Variants in SHF observed in about 807,000 individuals in gnomAD.
The protein encoded by SHF is Src homology 2 domain containing F.
In SHF, 30 loss-of-function variants were observed where a neutral mutation model predicts 42.4. The observed-to-expected ratio is 0.71, with a 90% CI of 0.53 to 0.96. The LOEUF (loss-of-function observed/expected upper bound fraction) is 0.96. Among genes scored for constraint, SHF ranks in the 40% least tolerant of loss-of-function variants. SHF has a pLI of 0.00. For missense variants in SHF, 598 were observed against 634.0 expected (o/e 0.94, Z 0.61); for synonymous variants, 264 against 269.9 (o/e 0.98, Z 0.21).
rs769765101 is a variant in SHF, at chr15:45,175,202, T to G, written c.847+17A>C. Reference sequence around the variant, plus strand: ...CTCAGAGGCCCCAGCTGACCTGCCCTCTCCACCAGGACTCACCTGCAAAGG... The same window carrying G: ...CTCAGAGGCCCCAGCTGACCTGCCCGCTCCACCAGGACTCACCTGCAAAGG... On this transcript the variant is annotated intron_variant, in intron 3 of 6. Coordinates refer to ENST00000690270, the MANE Select transcript of SHF (RefSeq NM_001394037.1). 6.2e-7 allele frequency: 1 copy of G among 1,600,434 alleles called. No individual in the cohort carries two copies. The highest frequency in any genetic ancestry group is 8.5e-7 in the Non-Finnish European group (1 of 1,175,146).
At chr15:45,183,333 ATG>A (rs1489818594) in intron 1 of SHF, among the ~76,000 whole-genome samples, 1 of 35,592 alleles carries the variant, frequency 2.8e-5, no homozygotes, top group Non-Finnish European at 4.8e-5. Context: ...GGTCTAACAC[ATG>A]TCAGCTGCTT....
upstream of SHF, chr15:45,188,092 A>G (rs1044660677): frequency 6.1e-6 from 2 of 326,602 alleles, no homozygotes; most frequent in Non-Finnish European, 1.0e-5. Flanking sequence ...CCGCTCCCTA[A>G]CAGGGTCTTC....
intron 2 of SHF, among the ~76,000 whole-genome samples, chr15:45,194,433 C>A (rs1159287565): frequency 6.6e-6 from 1 of 151,946 alleles, no homozygotes; most frequent in Admixed American, 6.6e-5. Context: ...CTCACTGCAA[C>A]CTACACCTCC....
chr15:45,174,322 T>A (rs1897682797), intron 3 of SHF: 1 of 161,192 alleles, frequency 6.2e-6, no homozygotes, highest in African/African-American at 2.4e-5. Context: ...GAGCATAGAT[T>A]TTCCCATTAA....
Position 45,187,735 on chromosome 15 carries a change from C to T in SHF, c.217G>A (p.Glu73Lys). The T allele has an allele frequency of 4.1e-6, 4 of 970,452 alleles. No individual in the cohort carries two copies. The highest frequency in any genetic ancestry group is 5.3e-6 in the Non-Finnish European group (4 of 755,796). 60.1% of individuals were successfully genotyped at this position (970,452 alleles called of 1,614,324 possible). A position where few individuals can be genotyped will look rare whatever the true frequency, so the allele number is the denominator to read the frequency against. The part of the protein sequence containing the change: ...GGGGSKPAPP[E>K]PDYRPPAPSP... ...GGCGCAGGGGGGCGGTAGTCGGGCT[C>T]GGGGGGCGCCGGCTTGCTGCCCCCT... The change falls in exon 1 of 7, where the codon GAG (glutamate) becomes AAG (lysine). Residue 73 changes from glutamate to lysine, a missense_variant. Coordinates refer to ENST00000690270, the MANE Select transcript of SHF (RefSeq NM_001394037.1).
rs943108477 is a variant in SHF, at chr15:45,187,752, C to T, written c.200G>A (p.Ser67Asn). The T allele has an allele frequency of 1.5e-5, 14 of 961,718 alleles. 1 individual carries two copies. The highest frequency in any genetic ancestry group is 1.9e-5 in the Non-Finnish European group (14 of 748,490). The allele number at this position is 961,718 out of a possible 1,614,324, so 59.6% of individuals were successfully genotyped here. ...FRGGGGGGGG[S>N]KPAPPEPDYR... ...GTCGGGCTCGGGGGGCGCCGGCTTG[C>T]TGCCCCCTCCGCCGCCGCCCCCCCC... Residue 67 changes from serine to asparagine, a missense_variant, in exon 1 of 7, where the codon AGC (serine) becomes AAC (asparagine). Physicochemically the swap from Ser to Asn is conservative, Grantham distance 46 (BLOSUM62 1). This residue lies in a region of SHF where 159 missense variants were observed against 109.3 expected (regional missense o/e 1.45). Coordinates refer to ENST00000690270, the MANE Select transcript of SHF (RefSeq NM_001394037.1).
At chr15:45,200,983 G>A (rs1421196828) in exon 1 of SHF, 2 of 397,354 alleles carry the variant, frequency 5.0e-6, no homozygotes, top group South Asian at 3.6e-5. Flanking sequence ...CAGCCAAGAG[G>A]AGACTTCGGG....
chr15:45,193,392 T>C (rs536478668), intron 2 of SHF, among the ~76,000 whole-genome samples: 1 of 152,266 alleles, frequency 6.6e-6, no homozygotes, highest in Admixed American at 6.5e-5. Flanking sequence ...TTCCAGTTCA[T>C]AGGTAGATGA....
At chr15:45,196,756 G>A (rs1029029448) in intron 2 of SHF, among the ~76,000 whole-genome samples, 2 of 151,964 alleles carry the variant, frequency 1.3e-5, no homozygotes, top group African/African-American at 4.8e-5. Flanking sequence ...AAAATTAGCC[G>A]GGCTTGGTGG....
At chr15:45,176,287 G>T (rs1322903203) in intron 2 of SHF, among the ~76,000 whole-genome samples, 1 of 150,940 alleles carries the variant, frequency 6.6e-6, no homozygotes, top group East Asian at 1.9e-4. Flanking sequence ...AAAGCTAATT[G>T]GTTCTCTTTT....
exon 2 of SHF, chr15:45,198,869 G>A: frequency 6.2e-7 from 1 of 1,614,036 alleles, no homozygotes; most frequent in Non-Finnish European, 8.5e-7. Flanking sequence ...ATTAGCCACG[G>A]GCTGTGGTGA....
At chr15:45,200,507 T>G (rs538967277) in intron 1 of SHF, 3 of 354,766 alleles carry the variant, frequency 8.5e-6, no homozygotes, top group African/African-American at 6.4e-5. Flanking sequence ...ACACAGGACC[T>G]CGGCTTGTCG....
intron 1 of SHF, among the ~76,000 whole-genome samples, chr15:45,184,869 G>C (rs2042093183): frequency 1.3e-5 from 2 of 152,346 alleles, no homozygotes; most frequent in African/African-American, 4.8e-5. Flanking sequence ...TCCCACACCT[G>C]CCCTGCCAGG....
chr15:45,170,313 G>A (rs1423005454), intron 6 of SHF: 1 of 1,206,464 alleles, frequency 8.3e-7, no homozygotes, highest in South Asian at 1.4e-5. Flanking sequence ...CTATCTTGCA[G>A]GGGAGTAGTT....
At chr15:45,177,765 G>T (rs1304482589) in intron 2 of SHF, among the ~76,000 whole-genome samples, 1 of 152,054 alleles carries the variant, frequency 6.6e-6, no homozygotes, top group Non-Finnish European at 1.5e-5. Context: ...TGGACTACTT[G>T]CCCAGGCTCA....
intron 2 of SHF, among the ~76,000 whole-genome samples, chr15:45,175,932 C>T (rs1328529057): frequency 6.6e-6 from 1 of 151,766 alleles, no homozygotes; most frequent in Non-Finnish European, 1.5e-5. Context: ...GATTCTCCCA[C>T]CTCAGCCTCC....
At position 45,167,237 on chromosome 15, in the gene SHF, C is replaced by G. The variant is rs1897275249; in HGVS notation, c.*710G>C. 1 of 152,188 alleles carries G rather than the reference C, an allele frequency of 6.6e-6. No individual in the cohort carries two copies. Among genetic ancestry groups the G allele is most frequent in the South Asian group, 2.1e-4 (1 of 4,828 alleles). 9.4% of individuals were successfully genotyped at this position (152,188 alleles called of 1,614,324 possible). On this transcript the variant is annotated 3_prime_UTR_variant, in exon 7 of 7. Transcript: ENST00000690270. Reference sequence around the variant, plus strand: ...AGTGCTTTTCACAGCCGGGCTGTGTCTGCTCCAGAGCTGATTTATACGCAG... The same window carrying G: ...AGTGCTTTTCACAGCCGGGCTGTGTGTGCTCCAGAGCTGATTTATACGCAG...
intron 2 of SHF, chr15:45,198,704 G>A (rs910300648): frequency 7.2e-6 from 11 of 1,534,846 alleles, no homozygotes; most frequent in Admixed American, 1.9e-5. Context: ...GTAGGGGTTG[G>A]CTTCTGATTA....
chr15:45,187,928 C>G lies in SHF; in HGVS notation c.24G>C (p.Pro8=). 10 of 1,140,048 alleles carry G rather than the reference C, an allele frequency of 8.8e-6. No individual in the cohort carries two copies. Among genetic ancestry groups the G allele is most frequent in the Non-Finnish European group, 1.1e-5 (10 of 930,312 alleles). The allele number at this position is 1,140,048 out of a possible 1,614,324, so 70.6% of individuals were successfully genotyped here. Residue 8 remains proline (P), a synonymous_variant, in exon 1 of 7, where the codon CCG becomes CCC. Coordinates refer to ENST00000690270, the MANE Select transcript of SHF (RefSeq NM_001394037.1). The stretch of plus-strand genomic sequence containing the variant: ...TTCGCGGCCCCGGGCGGGAGCCAGC[C>G]GGAGGAGCTCCGCTCAGTAACATGG... MLLSGAP[P]AGSRPGPRTQ...
Sources: gnomAD v4.1 joint callset for allele counts (sites outside exome capture counted in the v4.1 genomes callset) on GRCh38, gnomAD v4.1.1 for gene constraint, gnomAD v4.1.1 regional missense constraint, MANE v1.5 for transcripts, NCBI Gene and HGNC (gene_info 2026-07-23, HGNC 2026-07-21) for gene names.